TAMM41: variants seen among roughly 807,000 people sequenced by gnomAD.
The protein encoded by TAMM41 is TAM41 mitochondrial translocator assembly and maintenance homolog, also known as phosphatidate cytidylyltransferase, mitochondrial.
In TAMM41, 36 loss-of-function variants were observed where a neutral mutation model predicts 44.1. That is an observed-to-expected ratio of 0.82 (90% CI 0.63 to 1.08). The LOEUF (loss-of-function observed/expected upper bound fraction) is 1.08. Among genes scored for constraint, TAMM41 ranks in the 50% least tolerant of loss-of-function variants. The pLI, the probability that TAMM41 is intolerant of heterozygous loss-of-function variation, is 0.00. For synonymous variants in TAMM41, 164 were observed against 153.1 expected (o/e 1.07, Z -0.53); for missense variants, 417 against 404.3 (o/e 1.03, Z -0.27).
chr3:11,767,626 A>AGTTTTTTTTTTTTTTT, the TAMM41 span, among the ~76,000 whole-genome samples: 1 of 60,692 alleles, frequency 1.6e-5, no homozygotes, highest in Non-Finnish European at 3.1e-5. Context: ...CACGTTGTGC[A>AGTTTTTTTTTTTTTTT]TTTTTTTTTT....
Position 11,837,448 on chromosome 3 carries a change from T to C in TAMM41, c.411+1774A>G, listed in dbSNP as rs562221699. Among the ~76,000 whole-genome samples the C allele has an allele frequency of 3.3e-5, 5 of 151,762 alleles. No individual in the cohort carries two copies. In the South Asian group the frequency reaches 1.0e-3, roughly 32 times the overall value. On this transcript the variant is annotated intron_variant, in intron 3 of 7. Transcript: ENST00000455809. ...AGAAAAGTGACATTGCAAATACTTG[T>C]TAAAAGTTTAAGTTCTCTCCCACTT... is the stretch of plus-strand genomic sequence containing the variant.
intron 7 of TAMM41, chr3:11,807,166 G>A (rs557629056): frequency 1.3e-4 from 172 of 1,335,464 alleles, no homozygotes; most frequent in Middle Eastern, 2.8e-4. Flanking sequence ...AGGGGACAGC[G>A]AAGACACTCT....
At chr3:11,812,261 A>G (rs2078111297) in intron 5 of TAMM41, among the ~76,000 whole-genome samples, 1 of 152,166 alleles carries the variant, frequency 6.6e-6, no homozygotes, top group African/African-American at 2.4e-5. Context: ...AAATAAAACC[A>G]TATCCCAGGA....
At chr3:11,786,275 A>AAT (rs1343900563), downstream of TAMM41, among the ~76,000 whole-genome samples, 364 of 128,736 alleles carry the variant, frequency 2.8e-3, no homozygotes, top group African/African-American at 9.5e-3. Context: ...TTATTTATTT[A>AAT]TTTATTTAAT....
the TAMM41 span, among the ~76,000 whole-genome samples, chr3:11,731,993 A>G: frequency 6.6e-6 from 1 of 151,914 alleles, no homozygotes; most frequent in East Asian, 1.9e-4. Flanking sequence ...CAGCCTCCCA[A>G]GTAGCTGGTA....
chr3:11,739,671 C>CAAAAA, the TAMM41 span, among the ~76,000 whole-genome samples: 14 of 53,458 alleles, frequency 2.6e-4, 2 homozygotes, highest in African/African-American at 8.4e-4. Flanking sequence ...GACTCCATCT[C>CAAAAA]AAAAAAAAAA....
intron 1 of TAMM41, 150 bp downstream of exon 1, chr3:11,846,352 T>C (rs139084454): frequency 4.5e-4 from 415 of 931,980 alleles, no homozygotes; most frequent in African/African-American, 4.0e-3. Flanking sequence ...GCTGTCGTTA[T>C]ACTAGGAAGG....
chr3:11,788,286 G>T (rs2077428598), downstream of TAMM41, among the ~76,000 whole-genome samples: 3 of 152,168 alleles, frequency 2.0e-5, no homozygotes, highest in African/African-American at 7.2e-5. Context: ...TCTTGAATAG[G>T]CTGAGGAAAA....
the TAMM41 span, among the ~76,000 whole-genome samples, chr3:11,724,008 G>C: frequency 8.6e-5 from 13 of 151,562 alleles, no homozygotes; most frequent in East Asian, 1.9e-4. Context: ...GGATGGGGGG[G>C]GGTGACACTA....
At chr3:11,728,841 G>A in the TAMM41 span, among the ~76,000 whole-genome samples, 2 of 151,920 alleles carry the variant, frequency 1.3e-5, no homozygotes, top group Middle Eastern at 3.4e-3. Context: ...AAACCCCGTC[G>A]CCACTAAAAA....
chr3:11,769,837 C>A, the TAMM41 span, among the ~76,000 whole-genome samples: 1 of 152,228 alleles, frequency 6.6e-6, no homozygotes, highest in Non-Finnish European at 1.5e-5. Context: ...AGTGTGACTA[C>A]ACGCCTCACG....
At chr3:11,844,882 T>A (rs1209253599) in intron 1 of TAMM41, 1 of 456,102 alleles carries the variant, frequency 2.2e-6, no homozygotes, top group South Asian at 1.6e-5. Flanking sequence ...GAATGCAAAA[T>A]GTACTAACTG....
chr3:11,836,624 T>C (rs557343163), intron 3 of TAMM41, among the ~76,000 whole-genome samples: 89 of 152,262 alleles, frequency 5.8e-4, no homozygotes, highest in South Asian at 1.5e-3. Flanking sequence ...CCACCACGCC[T>C]GGCTAATTTT....
chr3:11,840,217 G>A (rs779966767), intron 2 of TAMM41, among the ~76,000 whole-genome samples: 7 of 147,732 alleles, frequency 4.7e-5, no homozygotes, highest in South Asian at 2.2e-4. Context: ...CCAGCCTCAC[G>A]TTAATGTTAA....
At chr3:11,832,853 CA>C (rs1368147612) in intron 3 of TAMM41, 5 of 357,574 alleles carry the variant, frequency 1.4e-5, no homozygotes, top group Non-Finnish European at 2.0e-5. Flanking sequence ...GCTAACAATT[CA>C]AAGATGCAAA....
chr3:11,766,723 C>T, the TAMM41 span, among the ~76,000 whole-genome samples: 3 of 149,002 alleles, frequency 2.0e-5, no homozygotes, highest in Non-Finnish European at 2.9e-5. Flanking sequence ...TGCACTACTA[C>T]ATCTGGCAAA....
the TAMM41 span, among the ~76,000 whole-genome samples, chr3:11,743,731 C>T: frequency 6.6e-6 from 1 of 152,248 alleles, no homozygotes; most frequent in South Asian, 2.1e-4. Flanking sequence ...TCTGTCGCCT[C>T]ACTTCTGGCC....
chr3:11,722,920 G>A, the TAMM41 span, among the ~76,000 whole-genome samples: 1 of 152,214 alleles, frequency 6.6e-6, no homozygotes, highest in African/African-American at 2.4e-5. Context: ...CCGAGATCAT[G>A]CCATTGCAGT....
At chr3:11,772,569 G>A in the TAMM41 span, among the ~76,000 whole-genome samples, 1 of 151,982 alleles carries the variant, frequency 6.6e-6, no homozygotes, top group African/African-American at 2.4e-5. Flanking sequence ...GTGTGTGTAT[G>A]TATCACATTT....
Sources: gnomAD v4.1 joint callset for allele counts (sites outside exome capture counted in the v4.1 genomes callset) on GRCh38, gnomAD v4.1.1 for gene constraint, MANE v1.5 for transcripts, NCBI Gene and HGNC (gene_info 2026-07-23, HGNC 2026-07-21) for gene names.